The following DNAH12 variants were observed in gnomAD, a reference collection of about 807,000 sequenced individuals.
DNAH12 encodes the protein axonemal beta dynein heavy chain 12.
In DNAH12, 285 loss-of-function variants were observed where a neutral mutation model predicts 371.5. The observed-to-expected ratio is 0.77, with a 90% confidence interval of 0.70 to 0.85. The LOEUF is 0.85. Among genes scored for constraint, DNAH12 ranks in the 40% least tolerant of loss-of-function variants. The probability of loss-of-function intolerance (pLI) is 0.00; values close to 1 mark genes in which losing one functional copy is unlikely to be tolerated. For missense variants in DNAH12, 3,611 were observed against 3,689.4 expected, an observed-to-expected ratio of 0.98 and a Z score of 0.55; for synonymous variants, 1,200 against 1,213.0, an observed-to-expected ratio of 0.99 and a Z score of 0.22.
chr3:57,488,484 G>A (rs1271892726), intron 12 of DNAH12, among the ~76,000 whole-genome samples: 1 of 152,080 alleles, frequency 6.6e-6, no homozygotes, highest in Admixed American at 6.5e-5. Flanking sequence ...GAGCCACCGT[G>A]CCTGCCTGGA....
Position 57,408,434 on chromosome 3 carries a change from C to T in DNAH12, c.6122G>A (p.Cys2041Tyr), listed in dbSNP as rs2064104306. 7 of 1,551,492 alleles carry T rather than the reference C, an allele frequency of 4.5e-6. No homozygotes were observed. Among genetic ancestry groups the T allele is most frequent in the Non-Finnish European group, 6.1e-6 (7 of 1,146,896 alleles). Residue 2041 changes from cysteine (C) to tyrosine (Y), a missense_variant, in exon 40 of 74, where the codon TGT becomes TAT. This residue lies in a region of DNAH12 where 2,266 missense variants were observed against 2,236.9 expected (regional missense o/e 1.01). Transcript: ENST00000495027. ...GGGRNPVTPR[C>Y]IRHFNICSIN... ...ACTGCAGATGTTGAAATGTCGAATA[C>T]AACGGGGAGTAACTGGATTTCTTCC...
At chr3:57,486,982 A>G (rs73078586) in intron 12 of DNAH12, among the ~76,000 whole-genome samples, 1,746 of 152,308 alleles carry the variant, frequency 0.011, 23 homozygotes, top group South Asian at 0.048. Context: ...AGTTGTTCAA[A>G]TACCAGGAAA....
intron 39 of DNAH12, among the ~76,000 whole-genome samples, chr3:57,412,022 TA>T (rs1450590086): frequency 1.3e-5 from 2 of 152,140 alleles, no homozygotes; most frequent in African/African-American, 2.4e-5. Context: ...ATAGACCCAA[TA>T]AATACAGTTA....
Position 57,433,836 on chromosome 3 carries a change from G to C in DNAH12, c.4656-8C>G, listed in dbSNP as rs781176965. On this transcript the variant is annotated splice_region_variant and splice_polypyrimidine_tract_variant and intron_variant, in intron 30 of 73. Transcript: ENST00000495027. ...TCTCCTACTAACATAAAACTATGAA[G>C]GAAAAGAAATAATTATACAATAAGA... The C allele has an allele frequency of 6.6e-7, 1 of 1,508,150 alleles. No individual in the cohort carries two copies. The highest frequency in any genetic ancestry group is 8.8e-7 in the Non-Finnish European group (1 of 1,132,184). 93.4% of individuals were successfully genotyped at this position (1,508,150 alleles called of 1,614,324 possible).
At chr3:57,399,806 T>C (rs1050983503) in intron 43 of DNAH12, among the ~76,000 whole-genome samples, 2 of 152,246 alleles carry the variant, frequency 1.3e-5, no homozygotes, top group Admixed American at 6.5e-5. Flanking sequence ...ATCCACTTAA[T>C]GAATAGTCAA....
intron 60 of DNAH12, among the ~76,000 whole-genome samples, chr3:57,351,731 T>A (rs1488419480): frequency 6.6e-6 from 1 of 152,190 alleles, no homozygotes; most frequent in East Asian, 1.9e-4. Context: ...TGCAGTGTTA[T>A]AAATGAGTCT....
chr3:57,366,695 T>A (rs1194880791), intron 57 of DNAH12, 34 bp downstream of exon 57: 2 of 152,238 alleles, frequency 1.3e-5, no homozygotes, highest in African/African-American at 4.8e-5. Flanking sequence ...TATTCCTTTT[T>A]AAACCATCTA....
upstream of DNAH12, among the ~76,000 whole-genome samples, chr3:57,547,686 G>T (rs185488427): frequency 1.0e-3 from 158 of 152,020 alleles, no homozygotes; most frequent in African/African-American, 3.7e-3. Flanking sequence ...ATAATGCAGA[G>T]AAAAAAAGTT....
chr3:57,342,405 C>G (rs538841324), intron 60 of DNAH12, among the ~76,000 whole-genome samples: 1 of 145,788 alleles, frequency 6.9e-6, no homozygotes, highest in African/African-American at 2.5e-5. Flanking sequence ...CTTTGGGAGG[C>G]TGAGGCAGGT....
intron 11 of DNAH12, among the ~76,000 whole-genome samples, chr3:57,496,443 C>CAA (rs1432375459): frequency 6.6e-6 from 1 of 151,918 alleles, no homozygotes; most frequent in South Asian, 2.1e-4. Flanking sequence ...AAATATATGC[C>CAA]AAAAAATACT....
intron 12 of DNAH12, among the ~76,000 whole-genome samples, chr3:57,487,349 G>C (rs1368621110): frequency 1.8e-5 from 2 of 111,122 alleles, no homozygotes; most frequent in Non-Finnish European, 3.6e-5. Context: ...GAGGGAGAGA[G>C]AGAGAGAAAG....
At chr3:57,374,340 T>C (rs2063237685) in intron 55 of DNAH12, among the ~76,000 whole-genome samples, 1 of 152,184 alleles carries the variant, frequency 6.6e-6, no homozygotes, top group Non-Finnish European at 1.5e-5. Flanking sequence ...ATAGTATCTA[T>C]CACAGCATAT....
intron 65 of DNAH12, among the ~76,000 whole-genome samples, chr3:57,322,084 C>T (rs974694849): frequency 2.0e-5 from 3 of 152,162 alleles, no homozygotes; most frequent in Admixed American, 6.5e-5. Flanking sequence ...AAAAACATTA[C>T]TGGGCTTTGG....
chr3:57,433,417 C>A lies in DNAH12; in HGVS notation c.4930G>T (p.Asp1644Tyr), dbSNP rs540153686. Reference sequence around the variant, plus strand: ...TTCATGCTCTCTATCCACAAAGTGTCAATAGGACCATCAAATACAACCCAT... The same window carrying A: ...TTCATGCTCTCTATCCACAAAGTGTAAATAGGACCATCAAATACAACCCAT... Reference protein sequence around the residue: ...RKWVVFDGPIDTLWIESMNTV... With the variant: ...RKWVVFDGPIYTLWIESMNTV... Residue 1644 changes from aspartate to tyrosine, a missense_variant, in exon 32 of 74, where the codon GAC becomes TAC. Asp to Tyr is a radical substitution (Grantham distance 160). Around this residue, in one of 3 missense-constraint regions of DNAH12, gnomAD observed 2,266 missense variants for 2,236.9 expected, o/e 1.01. Transcript: ENST00000495027. The A allele has an allele frequency of 6.4e-7, 1 of 1,551,406 alleles. No individual in the cohort carries two copies. The highest frequency in any genetic ancestry group is 1.2e-5 in the South Asian group (1 of 84,036).
chr3:57,421,674 A>T lies in DNAH12; in HGVS notation c.5406T>A (p.Ile1802=). 1 of 1,551,660 alleles carries T rather than the reference A, an allele frequency of 6.4e-7. No homozygotes were observed. The highest frequency in any genetic ancestry group is 8.7e-7 in the Non-Finnish European group (1 of 1,146,976). The part of the protein sequence containing the change: ...ACFIFSLIWS[I]GGSCDTDGRR... ...GGCCATCTGTATCACAACTTCCTCC[A>T]ATCGACCAAATCAAAGAGAATATAA... Residue 1802 remains isoleucine (I), a synonymous_variant, in exon 36 of 74, where the codon ATT becomes ATA. Coordinates refer to ENST00000495027, the MANE Select transcript of DNAH12 (RefSeq NM_001366028.2).
chr3:57,524,467 A>T (rs922020562), intron 2 of DNAH12, among the ~76,000 whole-genome samples: 8 of 152,126 alleles, frequency 5.3e-5, no homozygotes, highest in African/African-American at 1.9e-4. Context: ...TAAGTTGTAT[A>T]ATCCTATTGT....
At chr3:57,338,126 C>T (rs2062276545) in intron 60 of DNAH12, among the ~76,000 whole-genome samples, 2 of 152,210 alleles carry the variant, frequency 1.3e-5, no homozygotes, top group Non-Finnish European at 2.9e-5. Flanking sequence ...GATTCTCCTG[C>T]CTCGGCCTGC....
At chr3:57,331,202 G>A (rs1455358743) in intron 62 of DNAH12, among the ~76,000 whole-genome samples, 1 of 152,142 alleles carries the variant, frequency 6.6e-6, no homozygotes, top group Admixed American at 6.5e-5. Flanking sequence ...TGGTATATAA[G>A]CACAGGCTTC....
At chr3:57,383,031 G>A (rs1472272193) in intron 49 of DNAH12, among the ~76,000 whole-genome samples, 10 of 152,190 alleles carry the variant, frequency 6.6e-5, no homozygotes, top group Non-Finnish European at 1.5e-4. Context: ...GTGGCAGGGT[G>A]CAAGACATCC....
Sources: allele counts gnomAD v4.1 joint callset (sites outside exome capture counted in the v4.1 genomes callset), GRCh38; gene constraint gnomAD v4.1.1; regional missense constraint gnomAD v4.1.1; transcripts MANE v1.5; gene names NCBI Gene and HGNC (gene_info 2026-07-23, HGNC 2026-07-21).